Variants in RASSF3 observed in about 807,000 individuals in gnomAD.
RASSF3 encodes ras association domain-containing protein 3.
RASSF3 carries 19 observed loss-of-function variants against 19.9 expected under a neutral mutation model. That is an observed-to-expected ratio of 0.96 (90% CI 0.67 to 1.40). The LOEUF (loss-of-function observed/expected upper bound fraction) is 1.40. RASSF3 is among the 40% of genes most tolerant of loss of function. The pLI is 0.00. For synonymous variants in RASSF3, 110 were observed against 104.2 expected, an observed-to-expected ratio of 1.06 and a Z score of -0.34; for missense variants, 306 against 289.8, an observed-to-expected ratio of 1.06 and a Z score of -0.41.
chr12:64,646,121 C>A (rs909255016), intron 1 of RASSF3, among the ~76,000 whole-genome samples: 5 of 151,772 alleles, frequency 3.3e-5, no homozygotes, highest in Non-Finnish European at 5.9e-5. Flanking sequence ...CATTATTTAT[C>A]CATTCTCTTG....
Position 64,516,588 on chromosome 12 carries a change from C to T in RASSF3, c.169+9259C>T, listed in dbSNP as rs1344490136. On this transcript the variant is annotated intron_variant, in intron 1 of 5. Coordinates refer to the RASSF3 transcript ENST00000637125. ...GAGCCGAGATCCCGCCACTGCACTC[C>T]AGCCTGGGCGACAGAGCGAGACTCC... Among the ~76,000 whole-genome samples, 14 of 142,874 alleles carry T rather than the reference C, an allele frequency of 9.8e-5. No individual in the cohort carries two copies. In the South Asian group the frequency reaches 2.9e-3, roughly 30 times the overall value. 93.7% of individuals were successfully genotyped at this position (142,874 alleles called of 152,430 possible).
intron 1 of RASSF3, chr12:64,533,625 T>C (rs1009712352): frequency 1.1e-4 from 17 of 152,222 alleles, no homozygotes; most frequent in Admixed American, 5.9e-4. Context: ...CTTCTTTCTA[T>C]TACCGGACAG....
chr12:64,627,521 A>T (rs760831701), intron 1 of RASSF3, among the ~76,000 whole-genome samples: 1 of 152,216 alleles, frequency 6.6e-6, no homozygotes. Context: ...AGTTTTCACC[A>T]TGATATTTTC....
In RASSF3 at chr12:64,570,363, G is replaced by C. The variant is rs575262786; in HGVS notation, c.294+28658G>C. Among the ~76,000 whole-genome samples, 17 of 152,148 alleles carry C rather than the reference G, an allele frequency of 1.1e-4. No homozygotes were observed. The South Asian group carries it at 1.2e-3, about 11-fold the overall frequency. The stretch of plus-strand genomic sequence containing the variant: ...ATGGATTAGGAGGACAGATGTTTTC[G>C]CTTGGCCTTCTCTCCTTTATATTTC... On this transcript the variant is annotated intron_variant, in intron 2 of 5. Coordinates refer to the RASSF3 transcript ENST00000637125.
At chr12:64,552,516 T>TCTCC (rs1186914142) in intron 2 of RASSF3, among the ~76,000 whole-genome samples, 2 of 152,084 alleles carry the variant, frequency 1.3e-5, no homozygotes, top group African/African-American at 4.8e-5. Context: ...TTCCTAAGGC[T>TCTCC]CTCCCTCCCG....
intron 2 of RASSF3, among the ~76,000 whole-genome samples, chr12:64,599,541 T>C (rs1870052704): frequency 6.6e-6 from 1 of 152,154 alleles, no homozygotes; most frequent in African/African-American, 2.4e-5. Flanking sequence ...TGGAAACCCT[T>C]GTGGTTTCCT....
intron 4 of RASSF3, among the ~76,000 whole-genome samples, chr12:64,693,293 G>T (rs1034698478): frequency 6.6e-6 from 1 of 151,976 alleles, no homozygotes; most frequent in Non-Finnish European, 1.5e-5. Context: ...TCAGACAGCA[G>T]TTCTCCACCA....
intron 2 of RASSF3, among the ~76,000 whole-genome samples, chr12:64,564,091 T>A (rs1287040316): frequency 6.6e-6 from 1 of 152,200 alleles, no homozygotes; most frequent in Non-Finnish European, 1.5e-5. Flanking sequence ...CATTGCGGAT[T>A]TTGATCATTG....
At chr12:64,561,883 A>G (rs1379010475) in intron 2 of RASSF3, among the ~76,000 whole-genome samples, 1 of 151,664 alleles carries the variant, frequency 6.6e-6, no homozygotes, top group Non-Finnish European at 1.5e-5. Context: ...ATACAAATAT[A>G]ATGTTGGCCA....
intron 1 of RASSF3, among the ~76,000 whole-genome samples, chr12:64,541,233 G>A (rs957179003): frequency 1.3e-5 from 2 of 150,760 alleles, no homozygotes; most frequent in Non-Finnish European, 3.0e-5. Flanking sequence ...AGATCCGCCC[G>A]CCTTGCCCTC....
At chr12:64,635,224 G>A (rs921049234) in intron 1 of RASSF3, among the ~76,000 whole-genome samples, 9 of 152,044 alleles carry the variant, frequency 5.9e-5, no homozygotes, top group Non-Finnish European at 5.9e-5. Context: ...AAAATGCTGG[G>A]ATTACAGGCA....
intron 1 of RASSF3, among the ~76,000 whole-genome samples, chr12:64,681,154 T>C (rs906757020): frequency 6.6e-6 from 1 of 152,228 alleles, no homozygotes; most frequent in Non-Finnish European, 1.5e-5. Flanking sequence ...ATTACCCCTT[T>C]TCCTTCTCCT....
At chr12:64,591,975 C>T (rs372394281) in intron 2 of RASSF3, among the ~76,000 whole-genome samples, 7 of 151,642 alleles carry the variant, frequency 4.6e-5, no homozygotes, top group East Asian at 1.9e-4. Context: ...GATCTTGGCT[C>T]ATTGCAACCT....
At chr12:64,682,086 A>G (rs983740743) in intron 1 of RASSF3, among the ~76,000 whole-genome samples, 5 of 152,192 alleles carry the variant, frequency 3.3e-5, no homozygotes, top group Admixed American at 6.5e-5. Context: ...CCCCCACCAA[A>G]CACTAATACC....
At chr12:64,657,287 G>A (rs1329081471) in intron 1 of RASSF3, among the ~76,000 whole-genome samples, 1 of 152,122 alleles carries the variant, frequency 6.6e-6, no homozygotes, top group Non-Finnish European at 1.5e-5. Flanking sequence ...TTACAGGGGT[G>A]AGCCACCACG....
At chr12:64,569,189 T>C (rs761843788) in intron 2 of RASSF3, among the ~76,000 whole-genome samples, 3 of 152,228 alleles carry the variant, frequency 2.0e-5, no homozygotes, top group Non-Finnish European at 4.4e-5. Flanking sequence ...TGTGTGTAAA[T>C]GGCAGCTTCT....
intron 2 of RASSF3, among the ~76,000 whole-genome samples, chr12:64,563,743 T>C: frequency 6.6e-6 from 1 of 152,194 alleles, no homozygotes; most frequent in East Asian, 1.9e-4. Flanking sequence ...CTCTCTCAAC[T>C]GGCTCCTTGA....
chr12:64,566,628 A>G (rs574042132), intron 2 of RASSF3, among the ~76,000 whole-genome samples: 1 of 152,318 alleles, frequency 6.6e-6, no homozygotes, highest in Admixed American at 6.5e-5. Flanking sequence ...CTAAAATGGC[A>G]ACACTGAGAA....
At chr12:64,635,635 G>T (rs1000154528) in intron 1 of RASSF3, among the ~76,000 whole-genome samples, 11 of 152,332 alleles carry the variant, frequency 7.2e-5, no homozygotes, top group African/African-American at 2.4e-4. Flanking sequence ...ATAGTAGCTG[G>T]TAATTAGATT....
Sources: gnomAD v4.1 joint callset for allele counts (sites outside exome capture counted in the v4.1 genomes callset) on GRCh38, gnomAD v4.1.1 for gene constraint, MANE v1.5 for transcripts, NCBI Gene and HGNC (gene_info 2026-07-23, HGNC 2026-07-21) for gene names.